SPMIP2: variants seen among roughly 807,000 people sequenced by gnomAD.
SPMIP2 encodes sperm microtubule inner protein 2.
the SPMIP2 span, among the ~76,000 whole-genome samples, chr4:159,074,894 G>T: frequency 6.6e-6 from 1 of 152,210 alleles, no homozygotes; most frequent in Non-Finnish European, 1.5e-5. Flanking sequence ...TTACAAGGAT[G>T]CAAGGGGGAT....
the SPMIP2 span, among the ~76,000 whole-genome samples, chr4:158,963,292 TTTTTG>T: frequency 1.4e-4 from 22 of 152,164 alleles, no homozygotes; most frequent in Admixed American, 4.6e-4. Context: ...TTTTGTTTTT[TTTTTG>T]TTTGTTTGTT....
the SPMIP2 span, chr4:158,907,014 C>A: frequency 6.6e-6 from 1 of 152,188 alleles, no homozygotes; most frequent in East Asian, 1.9e-4. Context: ...AGGGTTTCTT[C>A]AACTTTTAAG....
At chr4:159,021,078 A>G in the SPMIP2 span, among the ~76,000 whole-genome samples, 152,227 of 152,402 alleles carry the variant, frequency 1, 76,027 homozygotes, top group East Asian at 1. Context: ...TTCTCTTAGG[A>G]GGTCCACAGT....
the SPMIP2 span, among the ~76,000 whole-genome samples, chr4:158,936,211 C>A: frequency 2.0e-5 from 3 of 152,164 alleles, no homozygotes; most frequent in Non-Finnish European, 2.9e-5. Context: ...AAATTAATGT[C>A]TTTTTGGATT....
chr4:159,020,917 A>G, the SPMIP2 span, among the ~76,000 whole-genome samples: 1 of 151,898 alleles, frequency 6.6e-6, no homozygotes, highest in East Asian at 1.9e-4. Context: ...GCCCACCACC[A>G]CGCCCGGCTA....
the SPMIP2 span, among the ~76,000 whole-genome samples, chr4:159,067,435 T>G: frequency 6.6e-6 from 1 of 152,150 alleles, no homozygotes; most frequent in East Asian, 1.9e-4. Flanking sequence ...TTTGACATTT[T>G]GGCCAGGCTG....
At chr4:158,915,105 C>A in the SPMIP2 span, 2 of 1,378,000 alleles carry the variant, frequency 1.5e-6, no homozygotes, top group African/African-American at 1.4e-5. Flanking sequence ...GAAACCTGTC[C>A]CTGATTTATA....
the SPMIP2 span, among the ~76,000 whole-genome samples, chr4:158,952,701 T>C: frequency 6.6e-6 from 1 of 152,172 alleles, no homozygotes; most frequent in Non-Finnish European, 1.5e-5. Flanking sequence ...TGGAACTTCC[T>C]AGAGACTTGT....
the SPMIP2 span, among the ~76,000 whole-genome samples, chr4:158,957,773 A>C: frequency 6.6e-6 from 1 of 152,130 alleles, no homozygotes; most frequent in Non-Finnish European, 1.5e-5. Context: ...CTCAGTAAAC[A>C]CTTATCTGAC....
At chr4:159,049,725 G>A in the SPMIP2 span, among the ~76,000 whole-genome samples, 2 of 152,118 alleles carry the variant, frequency 1.3e-5, no homozygotes, top group Non-Finnish European at 2.9e-5. Flanking sequence ...TTTATGATTC[G>A]TTAAGAATAT....
chr4:158,934,791 T>C, the SPMIP2 span, among the ~76,000 whole-genome samples: 1 of 152,156 alleles, frequency 6.6e-6, no homozygotes, highest in East Asian at 1.9e-4. Flanking sequence ...CACATTTAGT[T>C]GGTTGCCAAG....
At chr4:158,906,922 A>G in the SPMIP2 span, 5 of 152,356 alleles carry the variant, frequency 3.3e-5, no homozygotes, top group African/African-American at 1.2e-4. Flanking sequence ...ACTTGCTCCC[A>G]TGCCCACCTC....
chr4:159,073,628 T>C, the SPMIP2 span, among the ~76,000 whole-genome samples: 1 of 152,264 alleles, frequency 6.6e-6, no homozygotes, highest in East Asian at 1.9e-4. Flanking sequence ...CCTGCTGCCA[T>C]CCTCCCTCTC....
the SPMIP2 span, among the ~76,000 whole-genome samples, chr4:158,987,746 T>C: frequency 6.6e-6 from 1 of 151,944 alleles, no homozygotes; most frequent in South Asian, 2.1e-4. Flanking sequence ...AACCTGCACA[T>C]TGTGCACATG....
chr4:159,072,116 C>T, the SPMIP2 span, among the ~76,000 whole-genome samples: 2 of 152,190 alleles, frequency 1.3e-5, no homozygotes, highest in Admixed American at 1.3e-4. Flanking sequence ...GAGTTTGAGA[C>T]CAGCCTGGGC....
the SPMIP2 span, among the ~76,000 whole-genome samples, chr4:158,940,436 A>C: frequency 3.3e-5 from 5 of 152,170 alleles, no homozygotes; most frequent in Non-Finnish European, 5.9e-5. Flanking sequence ...TTTTCCACCA[A>C]GATGCACTAA....
the SPMIP2 span, among the ~76,000 whole-genome samples, chr4:158,993,286 G>T: frequency 6.6e-6 from 1 of 151,928 alleles, no homozygotes; most frequent in Admixed American, 6.6e-5. Context: ...AGGCTCATTT[G>T]AGCCCAGAAG....
At chr4:158,947,156 G>A in the SPMIP2 span, among the ~76,000 whole-genome samples, 1 of 152,080 alleles carries the variant, frequency 6.6e-6, no homozygotes, top group African/African-American at 2.4e-5. Context: ...CAAAAAAATC[G>A]CAGAACTTTG....
the SPMIP2 span, among the ~76,000 whole-genome samples, chr4:158,971,707 G>A: frequency 2.6e-5 from 4 of 152,108 alleles, no homozygotes; most frequent in Admixed American, 2.6e-4. Flanking sequence ...TGCTTCTAGT[G>A]CTTTACTAAT....
Sources: allele counts gnomAD v4.1 joint callset (sites outside exome capture counted in the v4.1 genomes callset), GRCh38; gene constraint gnomAD v4.1.1; transcripts MANE v1.5; gene names NCBI Gene and HGNC (gene_info 2026-07-23, HGNC 2026-07-21).